The following VWA5B1 variants were observed in gnomAD, a reference collection of about 807,000 sequenced individuals.
The protein encoded by VWA5B1 is von Willebrand factor A domain containing 5B1.
In VWA5B1, 115 loss-of-function variants were observed where a neutral mutation model predicts 118.2. The ratio of observed to expected loss-of-function variants is 0.97; its 90% CI spans 0.84 to 1.14. The LOEUF (loss-of-function observed/expected upper bound fraction) is 1.14, where lower values mean the gene tolerates loss of function less well. VWA5B1 is among the 50% of genes most tolerant of loss of function. VWA5B1 has a pLI of 0.00. For synonymous variants in VWA5B1, 682 were observed against 658.4 expected (o/e 1.04, Z -0.55); for missense variants, 1,596 against 1,603.8 (o/e 1.00, Z 0.08).
In VWA5B1 at chr1:20,355,115, G is replaced by A. The variant is rs2090206633; in HGVS notation, c.*852G>A. Among the ~76,000 whole-genome samples, 1 of 152,220 alleles carries A rather than the reference G, an allele frequency of 6.6e-6. No homozygotes were observed. Among genetic ancestry groups the A allele is most frequent in the Non-Finnish European group, 1.5e-5 (1 of 68,046 alleles). ...ACCTTACTTAATTTTCCCACTTTTAGGAATTGGGTAAAGCGAACTGCATCA... is the reference window on the plus strand; with the variant it reads ...ACCTTACTTAATTTTCCCACTTTTAAGAATTGGGTAAAGCGAACTGCATCA... On this transcript the variant is annotated 3_prime_UTR_variant, in exon 22 of 22. Transcript: ENST00000289815.
chr1:20,313,466 A>C (rs2100847133), intron 3 of VWA5B1, among the ~76,000 whole-genome samples: 1 of 152,262 alleles, frequency 6.6e-6, no homozygotes, highest in Admixed American at 6.5e-5. Context: ...GACTCACATC[A>C]CAGTAAATAC....
Position 20,308,259 on chromosome 1 carries a change from G to A in VWA5B1, c.-26-2317G>A, listed in dbSNP as rs548094091. On this transcript the variant is annotated intron_variant, in intron 1 of 21. Transcript: ENST00000289815. ...TTCCTAAAGGGTCAATGCTGAGGGA[G>A]TCTGCCGTCTGTTATCAGATGAGAT... Among the ~76,000 whole-genome samples, 5 of 152,290 alleles carry A rather than the reference G, an allele frequency of 3.3e-5. No individual in the cohort carries two copies. The South Asian group carries it at 1.0e-3, about 32-fold the overall frequency.
Position 20,319,268 on chromosome 1 carries a change from C to T in VWA5B1, c.842-114C>T, listed in dbSNP as rs539524962. On this transcript the variant is annotated intron_variant, in intron 6 of 21. Coordinates refer to ENST00000289815, the MANE Select transcript of VWA5B1 (RefSeq NM_001039500.3). ...CTTCAGGCAGCCAGGGCTTCCACCC[C>T]GCTTCCAAATGGGAGTCCCACCCCT... 538 of 1,440,148 alleles carry T rather than the reference C, an allele frequency of 3.7e-4. 3 individuals are homozygous for T. The highest frequency in any genetic ancestry group is 3.6e-4 in the Middle Eastern group (2 of 5,606). 89.2% of individuals were successfully genotyped at this position (1,440,148 alleles called of 1,614,324 possible).
In VWA5B1 at chr1:20,354,782, C is replaced by G. The variant is rs1373853485; in HGVS notation, c.*519C>G. 6.5e-6 allele frequency: 1 copy of G among 153,476 alleles called. No homozygotes were observed. Among genetic ancestry groups the G allele is most frequent in the African/African-American group, 2.4e-5 (1 of 41,354 alleles). The allele number at this position is 153,476 out of a possible 1,614,324, so 9.5% of individuals were successfully genotyped here. A position where few individuals can be genotyped will look rare whatever the true frequency, so the allele number is the denominator to read the frequency against. ...GCAAGTCTGGTGCCTGTAGGACAGG[C>G]TCTTGTCTCCATGGTAACAGCCAAG... On this transcript the variant is annotated 3_prime_UTR_variant, in exon 22 of 22. Coordinates refer to ENST00000289815, the MANE Select transcript of VWA5B1 (RefSeq NM_001039500.3).
At position 20,312,840 on chromosome 1, in the gene VWA5B1, C is replaced by A; in HGVS notation, c.144C>A (p.Leu48=). ...TGCTGGGCCCTGCTCCGACAGGCCT[C>A]TTCGTGTACCCCCTGGATGAGTGCA... ...GNLEAQPFQG[L]FVYPLDECTT... is the part of the protein sequence containing the mutation. The change falls in exon 3 of 22, where the codon CTC becomes CTA. Residue 48 remains leucine, a synonymous_variant. Transcript: ENST00000289815. The A allele has an allele frequency of 6.5e-7, 1 of 1,549,394 alleles. No homozygotes were observed. The highest frequency in any genetic ancestry group is 8.7e-7 in the Non-Finnish European group (1 of 1,145,482).
intron 20 of VWA5B1, 109 bp downstream of exon 20, chr1:20,351,035 T>G: frequency 9.0e-7 from 1 of 1,111,760 alleles, no homozygotes; most frequent in Non-Finnish European, 1.3e-6. Flanking sequence ...AGCCTGACAT[T>G]TAGGCAGGTG....
chr1:20,343,214 G>A lies in VWA5B1; in HGVS notation c.2447G>A (p.Gly816Asp). 6.5e-7 allele frequency: 1 copy of A among 1,549,572 alleles called. No homozygotes were observed. Among genetic ancestry groups the A allele is most frequent in the Non-Finnish European group, 8.7e-7 (1 of 1,146,760 alleles). The change falls in exon 16 of 22, where the codon GGC becomes GAC. Residue 816 changes from glycine to aspartate, a missense_variant. Gly to Asp is a moderately conservative substitution (Grantham distance 94). Transcript: ENST00000289815. ...APVLGKALVKGLHDSQRLQWE... is the reference protein window; with the variant it reads ...APVLGKALVKDLHDSQRLQWE... ...GTGCTGGGCAAGGCCCTGGTCAAAG[G>A]CCTGCACGACAGCCAACGCCTGCAG... is the stretch of plus-strand genomic sequence containing the variant.
At chr1:20,306,812 G>T (rs4655192) in intron 1 of VWA5B1, among the ~76,000 whole-genome samples, 44,030 of 152,034 alleles carry the variant, frequency 0.29, 6,685 homozygotes, top group East Asian at 0.54. Flanking sequence ...CATCCAAGTT[G>T]GACCCAACAT....
intron 1 of VWA5B1, among the ~76,000 whole-genome samples, chr1:20,293,396 G>A (rs556964273): frequency 1.3e-5 from 2 of 152,334 alleles, no homozygotes; most frequent in Non-Finnish European, 2.9e-5. Context: ...AGTGGAAGAG[G>A]CACCCAGGGA....
At chr1:20,319,577 A>G (rs1179504847) in intron 7 of VWA5B1, 71 bp downstream of exon 7, 1 of 1,534,128 alleles carries the variant, frequency 6.5e-7, no homozygotes, top group Admixed American at 2.0e-5. Context: ...TCTCCACTGA[A>G]CAAGTGAGGT....
At chr1:20,323,767 T>C (rs770756116) in intron 8 of VWA5B1, among the ~76,000 whole-genome samples, 2 of 152,212 alleles carry the variant, frequency 1.3e-5, no homozygotes, top group Non-Finnish European at 2.9e-5. Flanking sequence ...GTCCTTTGCA[T>C]TCTACAAACT....
At chr1:20,346,856 C>T (rs1034999943) in intron 17 of VWA5B1, among the ~76,000 whole-genome samples, 5 of 152,204 alleles carry the variant, frequency 3.3e-5, no homozygotes, top group Non-Finnish European at 5.9e-5. Flanking sequence ...AAAATATGCC[C>T]TTCCTAATTC....
chr1:20,308,792 G>A lies in VWA5B1; in HGVS notation c.-26-1784G>A, dbSNP rs576019428. On this transcript the variant is annotated intron_variant, in intron 1 of 21. Coordinates refer to ENST00000289815, the MANE Select transcript of VWA5B1 (RefSeq NM_001039500.3). ...GGCCTGGCGGGGTGCCGGGGTGTCGGGGAGCACCTGAGGATCTCAGCTGGG... is the reference window on the plus strand; with the variant it reads ...GGCCTGGCGGGGTGCCGGGGTGTCGAGGAGCACCTGAGGATCTCAGCTGGG... Among the ~76,000 whole-genome samples, 15 of 152,288 alleles carry A rather than the reference G, an allele frequency of 9.8e-5. No homozygotes were observed. In the South Asian group the frequency reaches 2.3e-3, roughly 23 times the overall value.
chr1:20,329,778 G>T (rs939742521), intron 9 of VWA5B1, among the ~76,000 whole-genome samples: 1 of 152,156 alleles, frequency 6.6e-6, no homozygotes, highest in African/African-American at 2.4e-5. Flanking sequence ...AATGTCACAG[G>T]GGGCTGGTGC....
chr1:20,333,813 C>G (rs1293882700), intron 12 of VWA5B1, among the ~76,000 whole-genome samples: 1 of 152,216 alleles, frequency 6.6e-6, no homozygotes, highest in Non-Finnish European at 1.5e-5. Context: ...ACCTATCTTT[C>G]CTCTTTCGTG....
At chr1:20,348,442 G>C (rs2090055085) in intron 18 of VWA5B1, 84 bp downstream of exon 18, 9 of 1,394,396 alleles carry the variant, frequency 6.5e-6, no homozygotes, top group Non-Finnish European at 9.0e-6. Context: ...TCCTGTCCGA[G>C]GCCCTAGGAC....
Position 20,336,375 on chromosome 1 carries a change from G to T in VWA5B1, c.1831G>T (p.Asp611Tyr). ...CTCTGTCTTCTACCACTCTCAGGAT[G>T]ACGGACCCGGGCTGGAAGGTGGAGA... Reference protein sequence around the residue: ...GSSVFYHSQDDGPGLEGGDCA... With the variant: ...GSSVFYHSQDYGPGLEGGDCA... The change falls in exon 13 of 22, where the codon GAC (aspartate) becomes TAC (tyrosine). Residue 611 changes from aspartate to tyrosine, a missense_variant. By Grantham distance (160) the Asp-to-Tyr change is radical (BLOSUM62 -3). Coordinates refer to ENST00000289815, the MANE Select transcript of VWA5B1 (RefSeq NM_001039500.3). 1 of 1,528,176 alleles carries T rather than the reference G, an allele frequency of 6.5e-7. No homozygotes were observed. The highest frequency in any genetic ancestry group is 1.3e-5 in the South Asian group (1 of 77,902). The allele number at this position is 1,528,176 out of a possible 1,614,324, so 94.7% of individuals were successfully genotyped here. A position where few individuals can be genotyped will look rare whatever the true frequency, so the allele number is the denominator to read the frequency against.
intron 12 of VWA5B1, among the ~76,000 whole-genome samples, chr1:20,334,714 G>A (rs1040496013): frequency 6.6e-6 from 1 of 152,136 alleles, no homozygotes; most frequent in Admixed American, 6.5e-5. Context: ...GGGAGGCTGA[G>A]GCAGGAGAAT....
intron 1 of VWA5B1, among the ~76,000 whole-genome samples, chr1:20,309,521 G>GTGGAAA (rs1246975524): frequency 1.3e-5 from 2 of 152,256 alleles, no homozygotes; most frequent in Non-Finnish European, 2.9e-5. Context: ...CATGTCCGGA[G>GTGGAAA]TGGAAACTGC....
Sources: gnomAD v4.1 joint callset for allele counts (sites outside exome capture counted in the v4.1 genomes callset) on GRCh38, gnomAD v4.1.1 for gene constraint, MANE v1.5 for transcripts, NCBI Gene and HGNC (gene_info 2026-07-23, HGNC 2026-07-21) for gene names.